Variants in TRPC5 observed in about 807,000 individuals in gnomAD.
TRPC5 encodes the protein short transient receptor potential channel 5.
Under a neutral mutation model 56.5 loss-of-function variants are expected in TRPC5, and 9 were observed. The observed-to-expected ratio is 0.16, with a 90% CI of 0.10 to 0.28. TRPC5 has a LOEUF of 0.28. TRPC5 is among the 10% of genes least tolerant of loss of function. The pLI is 1.00. For missense variants in TRPC5, 469 were observed against 748.9 expected (o/e 0.63, Z 4.36); for synonymous variants, 282 against 278.5 (o/e 1.01, Z -0.13).
chrX:112,014,273 A>G (rs967508769), intron 1 of TRPC5, among the ~76,000 whole-genome samples: 7 of 112,298 alleles, frequency 6.2e-5, no homozygotes, highest in African/African-American at 2.3e-4. Flanking sequence ...GGTTTGGGAG[A>G]TAGTACCTCA....
rs1351621886 is a variant in TRPC5, at chrX:111,772,820, G to A, written c.*3493C>T. ...GATGATTTAACAAACCAAGGTCTGG[G>A]GCACTAAAACTATTAGTCAAAACAC... On this transcript the variant is annotated 3_prime_UTR_variant, in exon 11 of 11. Coordinates refer to ENST00000262839, the MANE Select transcript of TRPC5 (RefSeq NM_012471.3). Among the ~76,000 whole-genome samples the A allele has an allele frequency of 9.1e-6, 1 of 110,411 alleles. No homozygotes were observed. Among genetic ancestry groups the A allele is most frequent in the Non-Finnish European group, 1.9e-5 (1 of 52,917 alleles).
Position 111,773,114 on chromosome X carries a change from A to G in TRPC5, c.*3199T>C, listed in dbSNP as rs1945852856. Among the ~76,000 whole-genome samples the G allele has an allele frequency of 8.9e-6, 1 of 112,395 alleles. No homozygotes were observed. The highest frequency in any genetic ancestry group is 3.7e-4 in the South Asian group (1 of 2,736). On this transcript the variant is annotated 3_prime_UTR_variant, in exon 11 of 11. Transcript: ENST00000262839. Reference sequence around the variant, plus strand: ...GCCTAAGTTAGGTCACAGTGGAATGAAAAATGATGGAGGCAGAACAGGGAA... The same window carrying G: ...GCCTAAGTTAGGTCACAGTGGAATGGAAAATGATGGAGGCAGAACAGGGAA...
chrX:111,861,892 C>T (rs1014532273), intron 3 of TRPC5, among the ~76,000 whole-genome samples: 1 of 110,929 alleles, frequency 9.0e-6, no homozygotes, highest in Admixed American at 9.6e-5. Context: ...CTCCTGGCTC[C>T]CACATGAACA....
chrX:111,901,303 ACTAC>A lies in TRPC5; in HGVS notation c.900+10984_900+10987del, dbSNP rs199675483. ...AGAGATGCTCAAGAAAGACAGACAAACTACCTATACTCACTTTTCTCCCAAATCT... is the reference window on the plus strand; with the variant it reads ...AGAGATGCTCAAGAAAGACAGACAAACTATACTCACTTTTCTCCCAAATCT... On this transcript the variant is annotated intron_variant, in intron 3 of 10. Transcript: ENST00000262839. Among the ~76,000 whole-genome samples the A allele has an allele frequency of 8.9e-3, 990 of 111,435 alleles. 8 individuals carry two copies. Among genetic ancestry groups the A allele is most frequent in the African/African-American group, 0.03 (924 of 30,668 alleles).
At chrX:111,980,412 T>G (rs185785354) in intron 1 of TRPC5, among the ~76,000 whole-genome samples, 6 of 111,345 alleles carry the variant, frequency 5.4e-5, no homozygotes, top group African/African-American at 2.0e-4. Flanking sequence ...TAATGGGATA[T>G]ATGTCAAAAC....
intron 2 of TRPC5, among the ~76,000 whole-genome samples, chrX:111,919,066 A>G (rs904547924): frequency 9.0e-5 from 10 of 111,669 alleles, no homozygotes; most frequent in African/African-American, 3.3e-4. Context: ...GGAGATGGAA[A>G]GAGGAGTGAC....
intron 2 of TRPC5, among the ~76,000 whole-genome samples, chrX:111,938,088 AT>A (rs1323909382): frequency 1.1e-5 from 1 of 89,950 alleles, no homozygotes; most frequent in African/African-American, 4.3e-5. Flanking sequence ...ATTCCTAGGT[AT>A]TTTATTCTCT....
chrX:111,997,260 C>G (rs1928562617), intron 1 of TRPC5, among the ~76,000 whole-genome samples: 1 of 111,519 alleles, frequency 9.0e-6, no homozygotes, highest in Admixed American at 9.6e-5. Context: ...ACTTATGAAG[C>G]TTAGTTTGGC....
chrX:112,061,614 G>T (rs1305461777), intron 1 of TRPC5, among the ~76,000 whole-genome samples: 1 of 111,592 alleles, frequency 9.0e-6, no homozygotes, highest in Non-Finnish European at 1.9e-5. Context: ...CTCCTTAACT[G>T]GAATCCTCCA....
At position 111,989,012 on chromosome X, in the gene TRPC5, G is replaced by A. The variant is rs768835377; in HGVS notation, c.-21-36571C>T. Among the ~76,000 whole-genome samples the A allele has an allele frequency of 1.2e-4, 13 of 111,761 alleles. No individual in the cohort carries two copies. The South Asian group carries it at 4.5e-3, about 39-fold the overall frequency. ...AATATATGTATAAAGTTCCTAGAAC[G>A]TTGCTTGGCACATAGCAGGTAATCA... On this transcript the variant is annotated intron_variant, in intron 1 of 10. Transcript: ENST00000262839.
chrX:111,873,857 T>C (rs990908663), intron 3 of TRPC5, among the ~76,000 whole-genome samples: 1 of 110,365 alleles, frequency 9.1e-6, no homozygotes, highest in Non-Finnish European at 1.9e-5. Context: ...TTTTACCAGG[T>C]GATTATTCAG....
At chrX:111,818,091 A>G (rs1921917363) in intron 7 of TRPC5, among the ~76,000 whole-genome samples, 1 of 111,615 alleles carries the variant, frequency 9.0e-6, no homozygotes, top group South Asian at 3.8e-4. Context: ...TTTCCCCAGT[A>G]AAATTGCAAC....
rs771454634 is a variant in TRPC5, at chrX:111,974,709, A to G, written c.-21-22268T>C. ...TGGGTTTGGAGCTCCCCAAAGACCC[A>G]TCACCAGAGAGCTGTGACTATATGA... On this transcript the variant is annotated intron_variant, in intron 1 of 10. Coordinates refer to ENST00000262839, the MANE Select transcript of TRPC5 (RefSeq NM_012471.3). Among the ~76,000 whole-genome samples the G allele has an allele frequency of 4.5e-5, 5 of 110,938 alleles. No homozygotes were observed. The South Asian group carries it at 1.6e-3, about 35-fold the overall frequency.
intron 7 of TRPC5, among the ~76,000 whole-genome samples, chrX:111,787,842 ACCCT>A (rs1386229466): frequency 9.0e-6 from 1 of 111,235 alleles, no homozygotes; most frequent in Non-Finnish European, 1.9e-5. Context: ...CGACACATAC[ACCCT>A]CCCAAGACTA....
At chrX:111,851,510 G>GGTGTGTGTGTGTGT (rs563243659) in intron 5 of TRPC5, among the ~76,000 whole-genome samples, 9 of 99,074 alleles carry the variant, frequency 9.1e-5, no homozygotes, top group African/African-American at 3.4e-4. Flanking sequence ...GTATTAAGGT[G>GGTGTGTGTGTGTGT]GTGTGTGTGT....
intron 1 of TRPC5, among the ~76,000 whole-genome samples, chrX:112,051,229 CCTA>C (rs1407675213): frequency 8.9e-6 from 1 of 112,228 alleles, no homozygotes; most frequent in East Asian, 2.8e-4. Context: ...GGTTTCATTT[CCTA>C]CTATTTCCTT....
chrX:111,802,321 T>C (rs989726036), intron 7 of TRPC5, among the ~76,000 whole-genome samples: 1 of 111,762 alleles, frequency 8.9e-6, no homozygotes, highest in Non-Finnish European at 1.9e-5. Flanking sequence ...ACTTCATTGA[T>C]TTTTCAAGAT....
intron 7 of TRPC5, among the ~76,000 whole-genome samples, chrX:111,793,955 A>G (rs995739233): frequency 8.9e-6 from 1 of 111,818 alleles, no homozygotes; most frequent in Non-Finnish European, 1.9e-5. Context: ...AGTCAGTCAC[A>G]AGAGGCTGTA....
intron 1 of TRPC5, among the ~76,000 whole-genome samples, chrX:111,967,496 G>A (rs1264643024): frequency 2.7e-5 from 3 of 111,410 alleles, no homozygotes; most frequent in African/African-American, 6.5e-5. Context: ...AGTTCATAGC[G>A]ACCAAAAAAG....
Sources: allele counts gnomAD v4.1 joint callset (sites outside exome capture counted in the v4.1 genomes callset), GRCh38; gene constraint gnomAD v4.1.1; transcripts MANE v1.5; gene names NCBI Gene and HGNC (gene_info 2026-07-23, HGNC 2026-07-21).